Variants in STAC observed in about 807,000 individuals in gnomAD.
STAC encodes SH3 and cysteine rich domain, also known as SH3 and cysteine-rich domain-containing protein.
Under a neutral mutation model 48.8 loss-of-function variants are expected in STAC, and 43 were observed. The ratio of observed to expected loss-of-function variants is 0.88; its 90% CI spans 0.69 to 1.14. STAC has a LOEUF of 1.14. Ranked by LOEUF, STAC falls within the 50% of genes most tolerant of loss-of-function variation. STAC has a pLI of 0.00. For missense variants in STAC, 497 were observed against 504.0 expected (o/e 0.99, Z 0.13); for synonymous variants, 193 against 179.5 (o/e 1.07, Z -0.60).
intron 1 of STAC, among the ~76,000 whole-genome samples, chr3:36,385,566 AT>A (rs74539227): frequency 0.19 from 28,930 of 151,942 alleles, 3,340 homozygotes; most frequent in Non-Finnish European, 0.24. Flanking sequence ...AGCTTGATGA[AT>A]TTTCAAAAAG....
At chr3:36,494,184 A>AC (rs1159993126) in intron 6 of STAC, among the ~76,000 whole-genome samples, 1 of 147,554 alleles carries the variant, frequency 6.8e-6, no homozygotes, top group African/African-American at 2.5e-5. Flanking sequence ...AGAAAGAGCC[A>AC]CCTCGTAATC....
intron 2 of STAC, among the ~76,000 whole-genome samples, chr3:36,463,960 A>C (rs1559501538): frequency 6.6e-6 from 1 of 152,052 alleles, no homozygotes; most frequent in Admixed American, 6.6e-5. Flanking sequence ...GCTATTGTGA[A>C]TAGTGCCACA....
At chr3:36,495,424 G>C (rs1424223377) in intron 6 of STAC, among the ~76,000 whole-genome samples, 1 of 152,132 alleles carries the variant, frequency 6.6e-6, no homozygotes, top group African/African-American at 2.4e-5. Context: ...TCCCACAGTT[G>C]TCTCTGCTCA....
chr3:36,501,312 C>T (rs1489562953), intron 6 of STAC, among the ~76,000 whole-genome samples: 2 of 151,830 alleles, frequency 1.3e-5, no homozygotes, highest in Non-Finnish European at 2.9e-5. Context: ...ATAGAATAAA[C>T]TCAGAAAAGC....
intron 2 of STAC, among the ~76,000 whole-genome samples, chr3:36,465,895 C>T (rs552672429): frequency 3.6e-4 from 55 of 152,212 alleles, no homozygotes; most frequent in African/African-American, 1.2e-3. Context: ...TACCTTCCCC[C>T]GCCCACTGAT....
In STAC at chr3:36,547,931, G is replaced by A. The variant is rs1273736581; in HGVS notation, c.*1642G>A. 9 of 152,132 alleles carry A rather than the reference G, an allele frequency of 5.9e-5. No homozygotes were observed. The South Asian group carries it at 1.7e-3, about 28-fold the overall frequency. The allele number at this position is 152,132 out of a possible 1,614,324, so 9.4% of individuals were successfully genotyped here. On this transcript the variant is annotated 3_prime_UTR_variant, in exon 11 of 11. Transcript: ENST00000273183. ...GCCTTTCTGTAAAATTGGATGCCTAGTACAAATGCTCTTTGCCTCTAATTC... is the reference window on the plus strand; with the variant it reads ...GCCTTTCTGTAAAATTGGATGCCTAATACAAATGCTCTTTGCCTCTAATTC...
At chr3:36,477,187 T>C (rs1437672016) in intron 2 of STAC, among the ~76,000 whole-genome samples, 2 of 152,194 alleles carry the variant, frequency 1.3e-5, no homozygotes, top group African/African-American at 4.8e-5. Flanking sequence ...TTTATACTTG[T>C]GTAATCTGGA....
rs183133352 is a variant in STAC at position 36,382,246 on chromosome 3, G to A, written c.111+1492G>A. On this transcript the variant is annotated intron_variant, in intron 1 of 10. Transcript: ENST00000273183. Reference sequence around the variant, plus strand: ...AGAGGAAAGCTAGAATTCTATAAATGAATGTAGCTGAACTCAAGAGTAAAA... The same window carrying A: ...AGAGGAAAGCTAGAATTCTATAAATAAATGTAGCTGAACTCAAGAGTAAAA... Among the ~76,000 whole-genome samples, 55 of 152,288 alleles carry A rather than the reference G, an allele frequency of 3.6e-4. No individual in the cohort carries two copies. In the East Asian group the frequency reaches 5.6e-3, roughly 15 times the overall value.
At chr3:36,413,541 A>C (rs1700244822) in intron 1 of STAC, among the ~76,000 whole-genome samples, 1 of 152,076 alleles carries the variant, frequency 6.6e-6, no homozygotes, top group South Asian at 2.1e-4. Flanking sequence ...ATCTTCCTGC[A>C]TCCTTTTATT....
At chr3:36,518,743 G>A (rs910567580) in intron 8 of STAC, among the ~76,000 whole-genome samples, 7 of 152,020 alleles carry the variant, frequency 4.6e-5, no homozygotes, top group African/African-American at 1.7e-4. Flanking sequence ...ATCTCTTTGG[G>A]GTATTTTCAA....
intron 1 of STAC, among the ~76,000 whole-genome samples, chr3:36,405,739 A>T (rs2125630558): frequency 6.6e-6 from 1 of 152,244 alleles, no homozygotes; most frequent in African/African-American, 2.4e-5. Context: ...CTTCTTTTAG[A>T]GACAAGAGTT....
At chr3:36,494,151 C>CAAAAAAAA (rs751587518) in intron 6 of STAC, among the ~76,000 whole-genome samples, 3 of 56,892 alleles carry the variant, frequency 5.3e-5, no homozygotes, top group Non-Finnish European at 1.0e-4. Flanking sequence ...GACTCCGTCT[C>CAAAAAAAA]AAAAAAAAAA....
chr3:36,451,726 CTT>C (rs1696689433), intron 2 of STAC, among the ~76,000 whole-genome samples: 1 of 152,330 alleles, frequency 6.6e-6, no homozygotes, highest in South Asian at 2.1e-4. Flanking sequence ...TTATCCATCA[CTT>C]CAAACATTCA....
intron 8 of STAC, among the ~76,000 whole-genome samples, chr3:36,521,153 G>A (rs929872451): frequency 2.0e-5 from 3 of 151,742 alleles, no homozygotes; most frequent in African/African-American, 4.8e-5. Flanking sequence ...ATCTATTTTT[G>A]CTGAGTGACT....
chr3:36,458,964 T>G (rs1364064055), intron 2 of STAC, among the ~76,000 whole-genome samples: 2 of 152,192 alleles, frequency 1.3e-5, no homozygotes, highest in Non-Finnish European at 1.5e-5. Context: ...TCTCAGGTAA[T>G]GCTAGTGATG....
At chr3:36,495,384 C>T (rs143366920) in intron 6 of STAC, among the ~76,000 whole-genome samples, 14 of 152,326 alleles carry the variant, frequency 9.2e-5, no homozygotes, top group Admixed American at 9.1e-4. Flanking sequence ...TCTTGATCCC[C>T]TCACCCAGCC....
intron 8 of STAC, among the ~76,000 whole-genome samples, chr3:36,514,235 T>TC (rs1559520990): frequency 1.8e-5 from 2 of 112,086 alleles, no homozygotes; most frequent in African/African-American, 6.3e-5. Context: ...TTTTTTTTTT[T>TC]CACAAAAGGA....
chr3:36,390,933 T>C (rs115038130), intron 1 of STAC, among the ~76,000 whole-genome samples: 1 of 152,328 alleles, frequency 6.6e-6, no homozygotes, highest in African/African-American at 2.4e-5. Context: ...ATTTGTTAAC[T>C]TGTATTTTAC....
At chr3:36,472,389 G>C (rs546008236) in intron 2 of STAC, among the ~76,000 whole-genome samples, 1 of 152,312 alleles carries the variant, frequency 6.6e-6, no homozygotes, top group African/African-American at 2.4e-5. Context: ...TTTCCCCATG[G>C]TCTTGGGAAT....
Sources: gnomAD v4.1 joint callset for allele counts (sites outside exome capture counted in the v4.1 genomes callset) on GRCh38, gnomAD v4.1.1 for gene constraint, MANE v1.5 for transcripts, NCBI Gene and HGNC (gene_info 2026-07-23, HGNC 2026-07-21) for gene names.